The following ALG8 variants were observed in gnomAD, a reference collection of about 807,000 sequenced individuals.
ALG8 encodes dolichyl pyrophosphate Glc1Man9GlcNAc2 alpha-1,3-glucosyltransferase.
In ALG8, 48 loss-of-function variants were observed where a neutral mutation model predicts 70.2. The ratio of observed to expected loss-of-function variants is 0.68; its 90% CI spans 0.54 to 0.87. The LOEUF (loss-of-function observed/expected upper bound fraction) is 0.87, where lower values mean the gene tolerates loss of function less well. Among genes scored for constraint, ALG8 ranks in the 40% least tolerant of loss-of-function variants. The pLI is 0.00. For synonymous variants in ALG8, 234 were observed against 229.0 expected (o/e 1.02, Z -0.20); for missense variants, 572 against 608.7 (o/e 0.94, Z 0.64).
At chr11:78,118,615 C>CAAAAAAAA (rs60253317) in intron 5 of ALG8, among the ~76,000 whole-genome samples, 1 of 88,124 alleles carries the variant, frequency 1.1e-5, no homozygotes. Context: ...GACTCATTCT[C>CAAAAAAAA]AAAAAAAAAA....
At chr11:78,136,989 C>T (rs1437508584) in intron 1 of ALG8, among the ~76,000 whole-genome samples, 2 of 151,994 alleles carry the variant, frequency 1.3e-5, no homozygotes, top group East Asian at 3.9e-4. Context: ...GCAACCTCCA[C>T]CTCCCGGGTT....
chr11:78,103,202 G>C (rs1859875691), intron 12 of ALG8, among the ~76,000 whole-genome samples: 1 of 152,094 alleles, frequency 6.6e-6, no homozygotes, highest in Non-Finnish European at 1.5e-5. Flanking sequence ...GCTCACGCCT[G>C]TACTTCCAGC....
At chr11:78,127,672 A>G (rs1306004947) in intron 1 of ALG8, among the ~76,000 whole-genome samples, 1 of 151,796 alleles carries the variant, frequency 6.6e-6, no homozygotes, top group East Asian at 1.9e-4. Flanking sequence ...AGAACTACCT[A>G]AAGGGCTGAC....
intron 1 of ALG8, among the ~76,000 whole-genome samples, chr11:78,135,608 G>C (rs1359383586): frequency 6.6e-6 from 1 of 152,116 alleles, no homozygotes; most frequent in Admixed American, 6.6e-5. Context: ...AACACTTTGG[G>C]AGGCCAAAGA....
chr11:78,133,334 A>G lies in ALG8; in HGVS notation c.96-5898T>C, dbSNP rs1443034589. The G allele has an allele frequency of 2.0e-5, 3 of 152,216 alleles. 1 individual carries two copies. Among genetic ancestry groups the G allele is most frequent in the South Asian group, 4.1e-4 (2 of 4,836 alleles). The allele number at this position is 152,216 out of a possible 1,614,324, so 9.4% of individuals were successfully genotyped here. A position where few individuals can be genotyped will look rare whatever the true frequency, so the allele number is the denominator to read the frequency against. ...TAAATGTTTTGTTGAATATATCTGC[A>G]TTTATCCTGTAACTTCCCTCTCATA... On this transcript the variant is annotated intron_variant, in intron 1 of 12. Coordinates refer to ENST00000299626, the MANE Select transcript of ALG8 (RefSeq NM_024079.5).
rs1015501031 is a variant in ALG8, at chr11:78,106,917, G to A, written c.1068C>T (p.Pro356=). ...ATCGGAGAAAGCCTCTGGGCCCTTG[G>A]GGTTTAAACCAAAGACAGAAAATAG... is the stretch of plus-strand genomic sequence containing the variant. ...LPSIFCLWFK[P]QGPRGFLRCL... The change falls in exon 10 of 13, where the codon CCC becomes CCT. Residue 356 remains proline, a synonymous_variant. Transcript: ENST00000299626. 11 of 1,613,912 alleles carry A rather than the reference G, an allele frequency of 6.8e-6. No homozygotes were observed. The highest frequency in any genetic ancestry group is 1.3e-5 in the African/African-American group (1 of 74,900).
chr11:78,109,469 G>T lies in ALG8; in HGVS notation c.1011C>A (p.Thr337=), dbSNP rs925139349. Residue 337 remains threonine (T), a synonymous_variant, in exon 9 of 13, where the codon ACC becomes ACA. Transcript: ENST00000299626. ...ATATGGCAATCAGTGTGCAGATGAG[G>T]GTTGCCAAGGGAGTCACTGAGGGAA... ...TVLPSVTPLA[T]LICTLIAILP... is the part of the protein sequence containing the mutation. 3.7e-6 allele frequency: 6 copies of T among 1,614,012 alleles called. No individual in the cohort carries two copies. The African/African-American group carries it at 4.0e-5, about 11-fold the overall frequency.
intron 12 of ALG8, among the ~76,000 whole-genome samples, chr11:78,101,568 G>A (rs906246646): frequency 1.3e-5 from 2 of 152,018 alleles, no homozygotes; most frequent in African/African-American, 2.4e-5. Flanking sequence ...GCAGTGAGTC[G>A]ATATGGCACC....
chr11:78,120,050 TGA>T (rs776656225), intron 4 of ALG8, among the ~76,000 whole-genome samples: 8 of 151,882 alleles, frequency 5.3e-5, no homozygotes, highest in Non-Finnish European at 7.4e-5. Context: ...TGCAGTGAGC[TGA>T]GATTGTGCCA....
At chr11:78,139,166 A>G (rs1217294876) in intron 1 of ALG8, 2 of 399,246 alleles carry the variant, frequency 5.0e-6, no homozygotes, top group African/African-American at 4.1e-5. Flanking sequence ...GGGAGTTAGA[A>G]CGGTACCTGG....
chr11:78,112,704 C>G lies in ALG8; in HGVS notation c.844G>C (p.Ala282Pro). 6.2e-7 allele frequency: 1 copy of G among 1,614,058 alleles called. No homozygotes were observed. Residue 282 changes from alanine to proline, a missense_variant, in exon 8 of 13, where the codon GCT becomes CCT. By Grantham distance (27) the Ala-to-Pro change is conservative (BLOSUM62 -1). Transcript: ENST00000299626. ...TTGTACAAAGCCCAGAAGTTTGGAG[C>G]CCAATATGCATGACAGAGGCCCCTC... The part of the protein sequence containing the change: ...FKRGLCHAYW[A>P]PNFWALYNAL...
intron 8 of ALG8, 38 bp from the exon 9 acceptor site, chr11:78,109,619 T>C (rs1050059096): frequency 6.4e-7 from 1 of 1,568,350 alleles, no homozygotes; most frequent in Non-Finnish European, 8.8e-7. Context: ...TATTTTTATC[T>C]TTATTACTGA....
chr11:78,124,398 T>A (rs1055573875), intron 2 of ALG8, among the ~76,000 whole-genome samples, 184 bp from the exon 3 acceptor site: 1 of 151,934 alleles, frequency 6.6e-6, no homozygotes, highest in Non-Finnish European at 1.5e-5. Context: ...AGCCCAGGAG[T>A]TCAAGACCAG....
At chr11:78,109,960 A>G (rs1038564659) in intron 8 of ALG8, among the ~76,000 whole-genome samples, 6 of 152,148 alleles carry the variant, frequency 3.9e-5, no homozygotes, top group African/African-American at 1.2e-4. Flanking sequence ...CATAGTATCC[A>G]GTGTCTTCCA....
intron 1 of ALG8, among the ~76,000 whole-genome samples, chr11:78,132,213 C>T (rs682742): frequency 0.66 from 100,792 of 152,134 alleles, 34,235 homozygotes; most frequent in African/African-American, 0.82. Context: ...TCCCTAGCTA[C>T]GGCTCTTAAA....
At position 78,120,237 on chromosome 11, in the gene ALG8, C is replaced by G. The variant is rs185778244; in HGVS notation, c.478+828G>C. ...AAAACAAAACTTTCCCAGGTTTTTC[C>G]TACCTTTTCTACCTTAAAGGCCCCG... On this transcript the variant is annotated intron_variant, in intron 4 of 12. Coordinates refer to ENST00000299626, the MANE Select transcript of ALG8 (RefSeq NM_024079.5). 3.5e-4 allele frequency among the ~76,000 whole-genome samples: 53 copies of G among 151,992 alleles called. No homozygotes were observed. In the East Asian group the frequency reaches 7.3e-3, roughly 21 times the overall value.
At chr11:78,130,342 C>A (rs895431828) in intron 1 of ALG8, among the ~76,000 whole-genome samples, 1 of 4,102 alleles carries the variant, frequency 2.4e-4, no homozygotes. Flanking sequence ...GAGCAAGACC[C>A]GGTCTCAAAA....
At chr11:78,115,948 C>A (rs185707382) in intron 5 of ALG8, among the ~76,000 whole-genome samples, 1 of 152,290 alleles carries the variant, frequency 6.6e-6, no homozygotes, top group Non-Finnish European at 1.5e-5. Flanking sequence ...CCAAAAAAAT[C>A]AATTGAATTT....
At chr11:78,123,315 G>A (rs199538044) in intron 3 of ALG8, among the ~76,000 whole-genome samples, 1,489 of 88,434 alleles carry the variant, frequency 0.017, no homozygotes, top group African/African-American at 0.024. Flanking sequence ...GGAAAAAAAA[G>A]AAAAAAAAAA....
Sources: allele counts gnomAD v4.1 joint callset (sites outside exome capture counted in the v4.1 genomes callset), GRCh38; gene constraint gnomAD v4.1.1; transcripts MANE v1.5; gene names NCBI Gene and HGNC (gene_info 2026-07-23, HGNC 2026-07-21).